PPP3CA: variants seen among roughly 807,000 people sequenced by gnomAD.
The protein encoded by PPP3CA is protein phosphatase 3 catalytic subunit alpha.
In PPP3CA, 14 loss-of-function variants were observed where a neutral mutation model predicts 66.5. The observed-to-expected ratio is 0.21, with a 90% confidence interval of 0.14 to 0.33. The LOEUF (loss-of-function observed/expected upper bound fraction) is 0.33. PPP3CA is among the 10% of genes least tolerant of loss of function. The probability of loss-of-function intolerance (pLI) is 1.00; values close to 1 mark genes in which losing one functional copy is unlikely to be tolerated. For missense variants in PPP3CA, 317 were observed against 639.5 expected (o/e 0.50, Z 5.44); for synonymous variants, 232 against 226.2 (o/e 1.03, Z -0.23).
chr4:101,287,764 CTCTT>C (rs1306023128), intron 1 of PPP3CA, among the ~76,000 whole-genome samples: 1 of 124,020 alleles, frequency 8.1e-6, no homozygotes, highest in Non-Finnish European at 2.0e-5. Context: ...CTATTAACCT[CTCTT>C]TTTTTTTTTT....
intron 1 of PPP3CA, among the ~76,000 whole-genome samples, chr4:101,303,176 G>A (rs544176720): frequency 3.3e-5 from 5 of 152,252 alleles, no homozygotes; most frequent in African/African-American, 1.2e-4. Context: ...TTCAAAAAAT[G>A]TGTAATTCTG....
At chr4:101,084,536 G>A (rs1237676875) in intron 6 of PPP3CA, among the ~76,000 whole-genome samples, 3 of 152,012 alleles carry the variant, frequency 2.0e-5, no homozygotes, top group South Asian at 2.1e-4. Flanking sequence ...CCAACTACTC[G>A]GGAGGCTGAG....
chr4:101,100,595 A>C (rs1250539479), intron 3 of PPP3CA, among the ~76,000 whole-genome samples: 5 of 152,176 alleles, frequency 3.3e-5, no homozygotes, highest in Admixed American at 3.3e-4. Flanking sequence ...GGAATATTCA[A>C]GTATTAACAT....
At chr4:101,236,997 T>C (rs1726152432) in intron 1 of PPP3CA, among the ~76,000 whole-genome samples, 1 of 150,794 alleles carries the variant, frequency 6.6e-6, no homozygotes, top group Non-Finnish European at 1.5e-5. Context: ...ATAATCTGTG[T>C]AATGTTTTTA....
At chr4:101,099,461 T>A (rs543980211) in intron 4 of PPP3CA, 150 bp downstream of exon 4, 74 of 397,862 alleles carry the variant, frequency 1.9e-4, no homozygotes, top group African/African-American at 1.5e-3. Flanking sequence ...TAAATGTCCA[T>A]GCTTAGAAAG....
chr4:101,109,458 C>T (rs1721589539), intron 2 of PPP3CA, among the ~76,000 whole-genome samples: 1 of 151,472 alleles, frequency 6.6e-6, no homozygotes, highest in Non-Finnish European at 1.5e-5. Context: ...TTTCATTTTG[C>T]AGGTAAAAGA....
intron 1 of PPP3CA, among the ~76,000 whole-genome samples, chr4:101,274,845 A>T (rs1471768608): frequency 2.6e-5 from 4 of 152,210 alleles, no homozygotes; most frequent in Admixed American, 1.3e-4. Flanking sequence ...TTGCATTTAG[A>T]TCATTACAAA....
chr4:101,304,775 G>A (rs1038553584), intron 1 of PPP3CA, among the ~76,000 whole-genome samples: 1 of 152,152 alleles, frequency 6.6e-6, no homozygotes, highest in Non-Finnish European at 1.5e-5. Context: ...ACAAATAATT[G>A]AAGAATGTGA....
intron 1 of PPP3CA, among the ~76,000 whole-genome samples, chr4:101,328,276 C>T (rs1729266892): frequency 6.6e-6 from 1 of 152,182 alleles, no homozygotes; most frequent in African/African-American, 2.4e-5. Flanking sequence ...CAACTGTCTC[C>T]AATCACCTGC....
intron 11 of PPP3CA, among the ~76,000 whole-genome samples, chr4:101,039,504 T>C (rs1727408971): frequency 6.9e-6 from 1 of 144,730 alleles, no homozygotes; most frequent in Non-Finnish European, 1.5e-5. Context: ...TATTTTCCGC[T>C]TGAACATGGC....
chr4:101,023,483 T>G lies in PPP3CA; in HGVS notation c.*2382A>C, dbSNP rs1287002287. 1 of 152,226 alleles carries G rather than the reference T, an allele frequency of 6.6e-6. No individual in the cohort carries two copies. Among genetic ancestry groups the G allele is most frequent in the Non-Finnish European group, 1.5e-5 (1 of 68,036 alleles). 9.4% of individuals were successfully genotyped at this position (152,226 alleles called of 1,614,324 possible). A position where few individuals can be genotyped will look rare whatever the true frequency, so the allele number is the denominator to read the frequency against. On this transcript the variant is annotated 3_prime_UTR_variant, in exon 14 of 14. Transcript: ENST00000394854. ...ATGCCATAGTTGCCTCAGCACAATT[T>G]GTAAAAGAAAGGAATCCAAAAAAAT...
intron 1 of PPP3CA, among the ~76,000 whole-genome samples, chr4:101,329,873 A>C (rs1729325456): frequency 6.6e-6 from 1 of 152,136 alleles, no homozygotes; most frequent in African/African-American, 2.4e-5. Flanking sequence ...AAAAAAAAAA[A>C]ATCCTTTCAA....
chr4:101,085,875 A>G (rs201682421), intron 6 of PPP3CA, among the ~76,000 whole-genome samples: 5 of 148,442 alleles, frequency 3.4e-5, no homozygotes, highest in East Asian at 2.0e-4. Context: ...GAGAGAGAGA[A>G]AGAGCGAGAG....
chr4:101,118,956 ATTTTTTTTT>A (rs201507463), intron 2 of PPP3CA, among the ~76,000 whole-genome samples: 7 of 129,942 alleles, frequency 5.4e-5, no homozygotes, highest in Non-Finnish European at 1.1e-4. Flanking sequence ...GAACTTACAG[ATTTTTTTTT>A]TTTTTTTTTT....
chr4:101,182,437 T>G (rs1253611204), intron 2 of PPP3CA, among the ~76,000 whole-genome samples: 1 of 152,118 alleles, frequency 6.6e-6, no homozygotes, highest in African/African-American at 2.4e-5. Context: ...AGCCTGCTCT[T>G]GAGCATTGTA....
chr4:101,280,143 T>G (rs565150544), intron 1 of PPP3CA, among the ~76,000 whole-genome samples: 11 of 152,310 alleles, frequency 7.2e-5, no homozygotes, highest in Middle Eastern at 3.4e-3. Flanking sequence ...AGAGCATATA[T>G]TCTTGGAATG....
intron 1 of PPP3CA, among the ~76,000 whole-genome samples, chr4:101,257,965 C>A (rs943287748): frequency 2.0e-5 from 3 of 151,964 alleles, no homozygotes; most frequent in Non-Finnish European, 4.4e-5. Flanking sequence ...TCCTACTTGT[C>A]CAGAGGCAGG....
At chr4:101,346,633 C>G in intron 1 of PPP3CA, 106 bp downstream of exon 1, 1 of 980,848 alleles carries the variant, frequency 1.0e-6, no homozygotes. Context: ...CTGGAGCGGA[C>G]AGAGGAGAAC....
intron 10 of PPP3CA, among the ~76,000 whole-genome samples, chr4:101,057,886 G>A (rs933221680): frequency 6.6e-6 from 1 of 152,018 alleles, no homozygotes; most frequent in African/African-American, 2.4e-5. Flanking sequence ...TCATATGCTG[G>A]CAAAGCCCAA....
Sources: allele counts gnomAD v4.1 joint callset (sites outside exome capture counted in the v4.1 genomes callset), GRCh38; gene constraint gnomAD v4.1.1; transcripts MANE v1.5; gene names NCBI Gene and HGNC (gene_info 2026-07-23, HGNC 2026-07-21).